DSCAM: variants seen among roughly 807,000 people sequenced by gnomAD.
The protein encoded by DSCAM is DS cell adhesion molecule.
Under a neutral mutation model 217.7 loss-of-function variants are expected in DSCAM, and 47 were observed. The ratio of observed to expected loss-of-function variants is 0.22; its 90% confidence interval spans 0.17 to 0.28. The LOEUF (loss-of-function observed/expected upper bound fraction) is 0.28. DSCAM is among the 10% of genes least tolerant of loss of function. The pLI is 1.00. For missense variants in DSCAM, 2,080 were observed against 2,618.3 expected, an observed-to-expected ratio of 0.79 and a Z score of 4.49; for synonymous variants, 1,056 against 1,015.3, an observed-to-expected ratio of 1.04 and a Z score of -0.76.
chr21:40,211,094 G>A lies in DSCAM; in HGVS notation c.2357-21856C>T, dbSNP rs371276779. On this transcript the variant is annotated intron_variant, in intron 11 of 32. Coordinates refer to ENST00000400454, the MANE Select transcript of DSCAM (RefSeq NM_001389.5). Reference sequence around the variant, plus strand: ...TATTCTCCACCTCTGCTGTTTTATCGTTTTGAGAATGCTTTATAAAGATAA... The same window carrying A: ...TATTCTCCACCTCTGCTGTTTTATCATTTTGAGAATGCTTTATAAAGATAA... 1.9e-4 allele frequency among the ~76,000 whole-genome samples: 29 copies of A among 152,176 alleles called. No homozygotes were observed. In the South Asian group the frequency reaches 4.1e-3, roughly 22 times the overall value.
chr21:40,778,514 C>A (rs2091509956), intron 1 of DSCAM, among the ~76,000 whole-genome samples: 1 of 152,030 alleles, frequency 6.6e-6, no homozygotes, highest in South Asian at 2.1e-4. Flanking sequence ...TAGGTTATTG[C>A]TTAATTGCAG....
chr21:40,312,386 G>C (rs369899755), intron 8 of DSCAM, 27 bp from the exon 9 acceptor site: 12 of 1,607,262 alleles, frequency 7.5e-6, no homozygotes, highest in Non-Finnish European at 1.0e-5. Context: ...AGATAATAAC[G>C]AACTGTGCTT....
intron 20 of DSCAM, among the ~76,000 whole-genome samples, chr21:40,121,064 A>G (rs937169795): frequency 1.3e-5 from 2 of 152,130 alleles, no homozygotes; most frequent in Non-Finnish European, 2.9e-5. Context: ...TTTAACTATG[A>G]AATCATTTCA....
intron 8 of DSCAM, among the ~76,000 whole-genome samples, chr21:40,326,460 C>T (rs1459315714): frequency 2.0e-5 from 3 of 152,144 alleles, no homozygotes; most frequent in African/African-American, 7.2e-5. Context: ...TCGTTGCATA[C>T]AAAGTATTTA....
At position 40,030,762 on chromosome 21, in the gene DSCAM, G is replaced by A. The variant is rs565797141; in HGVS notation, c.5686+11609C>T. Among the ~76,000 whole-genome samples, 99 of 152,138 alleles carry A rather than the reference G, an allele frequency of 6.5e-4. 1 individual carries two copies. The highest frequency in any genetic ancestry group is 1.1e-3 in the Non-Finnish European group (75 of 68,026). On this transcript the variant is annotated intron_variant, in intron 32 of 32. Transcript: ENST00000400454. ...TCTCTGAGGAGTATTTGCAATTTTA[G>A]CTTCTTAAGGGCTCTTATAGAATTT... is the stretch of plus-strand genomic sequence containing the variant.
At chr21:40,487,045 C>T (rs937158289) in intron 3 of DSCAM, among the ~76,000 whole-genome samples, 2 of 152,154 alleles carry the variant, frequency 1.3e-5, no homozygotes, top group Admixed American at 1.3e-4. Context: ...CAACAACATG[C>T]AGACTCAGAG....
chr21:40,804,322 C>T (rs940464330), intron 1 of DSCAM, among the ~76,000 whole-genome samples: 1 of 152,206 alleles, frequency 6.6e-6, no homozygotes. Context: ...TCAAAATGCA[C>T]GCTCTGCAGG....
chr21:40,074,137 A>G (rs889243117), intron 27 of DSCAM, among the ~76,000 whole-genome samples: 36 of 152,358 alleles, frequency 2.4e-4, no homozygotes, highest in African/African-American at 8.7e-4. Context: ...AACGTTTTCT[A>G]AATGTATCAG....
intron 1 of DSCAM, among the ~76,000 whole-genome samples, chr21:40,744,184 C>A (rs2091151842): frequency 6.6e-6 from 1 of 152,168 alleles, no homozygotes; most frequent in Admixed American, 6.5e-5. Context: ...ATGGGAAGCC[C>A]ACTCAGGTCT....
chr21:40,471,330 C>T (rs1315252057), intron 3 of DSCAM, among the ~76,000 whole-genome samples: 4 of 152,158 alleles, frequency 2.6e-5, no homozygotes, highest in South Asian at 2.1e-4. Flanking sequence ...AGGTAGAGGC[C>T]TTTGGGGCCA....
chr21:40,519,644 C>A (rs2076342714), intron 3 of DSCAM, among the ~76,000 whole-genome samples: 1 of 152,034 alleles, frequency 6.6e-6, no homozygotes, highest in Admixed American at 6.6e-5. Flanking sequence ...TACAAGCCAC[C>A]CAGTTTATGG....
rs183346509 is a variant in DSCAM, at chr21:40,567,674, A to G, written c.508+125136T>C. On this transcript the variant is annotated intron_variant, in intron 3 of 32. Transcript: ENST00000400454. ...ACAATGGACTTACTCATCAGGCCCA[A>G]CATCTGTCTCCCCTCACGGGAATGC... 2.3e-3 allele frequency among the ~76,000 whole-genome samples: 355 copies of G among 152,352 alleles called. 1 individual carries two copies. Among genetic ancestry groups the G allele is most frequent in the Non-Finnish European group, 3.8e-3 (257 of 68,038 alleles).
intron 3 of DSCAM, among the ~76,000 whole-genome samples, chr21:40,512,010 A>AAAAAAAAAAAGAT (rs61560593): frequency 9.4e-6 from 1 of 106,368 alleles, no homozygotes. Flanking sequence ...AAAAAAAAAA[A>AAAAAAAAAAAGAT]GTATTCTATT....
chr21:40,373,249 C>T (rs1255719057), intron 3 of DSCAM, among the ~76,000 whole-genome samples: 35 of 152,170 alleles, frequency 2.3e-4, no homozygotes, highest in Non-Finnish European at 3.5e-4. Context: ...AGCAGGCATG[C>T]ATGATCTCCA....
rs752794279 is a variant in DSCAM at position 40,142,576 on chromosome 21, C to A, written c.3388G>T (p.Ala1130Ser). 2.5e-6 allele frequency: 4 copies of A among 1,614,026 alleles called. No individual in the cohort carries two copies. The highest frequency in any genetic ancestry group is 3.4e-6 in the Non-Finnish European group (4 of 1,179,958). The change falls in exon 18 of 33, where the codon GCC becomes TCC. Residue 1130 changes from alanine (A) to serine (S), a missense_variant. Ala to Ser is a moderately conservative substitution (Grantham distance 99, BLOSUM62 1). Transcript: ENST00000400454. ...ILQGFRVIYW[A>S]NLMDGELGEI... ...CTCTTACCTCCGTCCATGAGGTTGGCCCAGTAAATGACTCTGAACCCCTGG... is the reference window on the plus strand; with the variant it reads ...CTCTTACCTCCGTCCATGAGGTTGGACCAGTAAATGACTCTGAACCCCTGG...
chr21:40,683,362 C>T (rs2090435870), intron 3 of DSCAM, among the ~76,000 whole-genome samples: 1 of 151,130 alleles, frequency 6.6e-6, no homozygotes, highest in Non-Finnish European at 1.5e-5. Context: ...ATACTCACTA[C>T]TATAAACTAT....
intron 9 of DSCAM, among the ~76,000 whole-genome samples, chr21:40,306,746 A>G (rs1226085750): frequency 6.6e-6 from 1 of 152,154 alleles, no homozygotes; most frequent in Non-Finnish European, 1.5e-5. Flanking sequence ...GATTATATTT[A>G]TTAATTTGCG....
chr21:40,020,378 G>T (rs1453507745), intron 32 of DSCAM, among the ~76,000 whole-genome samples: 2 of 151,906 alleles, frequency 1.3e-5, no homozygotes, highest in Non-Finnish European at 2.9e-5. Context: ...TCCTTGTTTT[G>T]TTTCCCTTGT....
Position 40,491,814 on chromosome 21 carries a change from A to G in DSCAM, c.509-122569T>C, listed in dbSNP as rs554746111. 3.9e-3 allele frequency among the ~76,000 whole-genome samples: 589 copies of G among 152,248 alleles called. 6 individuals are homozygous for G. Among genetic ancestry groups the G allele is most frequent in the Non-Finnish European group, 4.7e-3 (322 of 68,018 alleles). On this transcript the variant is annotated intron_variant, in intron 3 of 32. Coordinates refer to ENST00000400454, the MANE Select transcript of DSCAM (RefSeq NM_001389.5). The stretch of plus-strand genomic sequence containing the variant: ...TCCCTTCCTTTAAGCATTTCCTCGG[A>G]TGCCACTTTCTCAGCAAGCCCTGTT...
Sources: allele counts gnomAD v4.1 joint callset (sites outside exome capture counted in the v4.1 genomes callset), GRCh38; gene constraint gnomAD v4.1.1; transcripts MANE v1.5; gene names NCBI Gene and HGNC (gene_info 2026-07-23, HGNC 2026-07-21).